CABP5: variants seen among roughly 807,000 people sequenced by gnomAD.
The protein encoded by CABP5 is calcium binding protein 5, also known as calcium-binding protein 5.
In CABP5, 17 loss-of-function variants were observed where a neutral mutation model predicts 21.9. The ratio of observed to expected loss-of-function variants is 0.78; its 90% CI spans 0.53 to 1.17. The LOEUF is 1.17. Among genes scored for constraint, CABP5 ranks in the 50% most tolerant of loss-of-function variants. CABP5 has a pLI of 0.00. For missense variants in CABP5, 229 were observed against 228.9 expected, an observed-to-expected ratio of 1.00 and a Z score of 0.00; for synonymous variants, 85 against 79.4, an observed-to-expected ratio of 1.07 and a Z score of -0.37.
intron 5 of CABP5, among the ~76,000 whole-genome samples, chr19:48,033,439 T>C (rs1281972844): frequency 6.6e-6 from 1 of 152,134 alleles, no homozygotes; most frequent in African/African-American, 2.4e-5. Context: ...ATAGTGATGA[T>C]GAAGGAATTG....
At chr19:48,033,793 A>G (rs1008076888) in intron 5 of CABP5, among the ~76,000 whole-genome samples, 9 of 152,206 alleles carry the variant, frequency 5.9e-5, no homozygotes, top group African/African-American at 2.2e-4. Context: ...AGGGAGTAGC[A>G]TAAGCCACAT....
intron 3 of CABP5, 49 bp downstream of exon 3, chr19:48,040,556 C>T: frequency 2.5e-6 from 4 of 1,606,218 alleles, no homozygotes; most frequent in Non-Finnish European, 2.6e-6. Context: ...CCAATTCTGC[C>T]CTGATCCCTT....
At chr19:48,032,231 C>T (rs1029865288) in intron 5 of CABP5, among the ~76,000 whole-genome samples, 1 of 151,946 alleles carries the variant, frequency 6.6e-6, no homozygotes, top group Non-Finnish European at 1.5e-5. Context: ...CAAGTTTGTG[C>T]CAGAACTTAA....
At chr19:48,042,471 C>A (rs1454786918) in intron 1 of CABP5, among the ~76,000 whole-genome samples, 1 of 152,164 alleles carries the variant, frequency 6.6e-6, no homozygotes, top group African/African-American at 2.4e-5. Context: ...GACCTCTGGT[C>A]TCTTTAGCCT....
chr19:48,038,751 C>T (rs948393248), intron 4 of CABP5, among the ~76,000 whole-genome samples: 4 of 151,882 alleles, frequency 2.6e-5, no homozygotes, highest in African/African-American at 4.8e-5. Context: ...GGCTTGAACC[C>T]GGGAGGCAGA....
chr19:48,034,198 C>T lies in CABP5; in HGVS notation c.496+17G>A, dbSNP rs754088957. 6.5e-5 allele frequency: 99 copies of T among 1,531,802 alleles called. No homozygotes were observed. The highest frequency in any genetic ancestry group is 8.4e-5 in the Non-Finnish European group (96 of 1,136,988). The allele number at this position is 1,531,802 out of a possible 1,614,324, so 94.9% of individuals were successfully genotyped here. On this transcript the variant is annotated intron_variant, in intron 5 of 5. Coordinates refer to ENST00000293255, the MANE Select transcript of CABP5 (RefSeq NM_019855.5). ...CGGTGGCTGCCCCCGCTCCCCACCACGCCCCGTCAATGTCACCTTCAAAGT... is the reference window on the plus strand; with the variant it reads ...CGGTGGCTGCCCCCGCTCCCCACCATGCCCCGTCAATGTCACCTTCAAAGT...
At chr19:48,040,063 A>G (rs1967461575) in intron 3 of CABP5, among the ~76,000 whole-genome samples, 2 of 150,940 alleles carry the variant, frequency 1.3e-5, no homozygotes, top group South Asian at 4.2e-4. Context: ...AAAATCAGTT[A>G]TGATCTCCAT....
Position 48,029,831 on chromosome 19 carries a change from A to AGAGAGAGAGAGG in CABP5, c.*725_*726insCCTCTCTCTCTC, listed in dbSNP as rs1340907930. On this transcript the variant is annotated 3_prime_UTR_variant, in exon 6 of 6. Coordinates refer to ENST00000293255, the MANE Select transcript of CABP5 (RefSeq NM_019855.5). ...GAGAGAGAGAGAGAGAGAGAGAGAG[A>AGAGAGAGAGAGG]GAGAGAAACCAGACAGTGCTTCCAG... 24 of 151,442 alleles carry AGAGAGAGAGAGG rather than the reference A, an allele frequency of 1.6e-4. No homozygotes were observed. The highest frequency in any genetic ancestry group is 2.9e-4 in the Non-Finnish European group (20 of 67,840). 9.4% of individuals were successfully genotyped at this position (151,442 alleles called of 1,614,324 possible).
intron 2 of CABP5, 144 bp from the exon 3 acceptor site, chr19:48,040,892 C>T: frequency 2.5e-6 from 2 of 808,308 alleles, no homozygotes; most frequent in South Asian, 3.9e-5. Context: ...ACAAAAAAAC[C>T]AAGGCCGGAT....
At chr19:48,042,575 T>TCC (rs1205514972) in intron 1 of CABP5, among the ~76,000 whole-genome samples, 4 of 118,342 alleles carry the variant, frequency 3.4e-5, no homozygotes, top group Non-Finnish European at 7.6e-5. Context: ...TTTCATTCTC[T>TCC]CTCTCTTTTT....
chr19:48,043,837 T>G, intron 1 of CABP5, 23 bp downstream of exon 1: 4 of 1,149,814 alleles, frequency 3.5e-6, no homozygotes, highest in South Asian at 1.5e-5. Flanking sequence ...CCCACCGCCC[T>G]TCCCCCTCAC....
At chr19:48,040,519 A>G in intron 3 of CABP5, 86 bp downstream of exon 3, 2 of 1,453,238 alleles carry the variant, frequency 1.4e-6, no homozygotes, top group African/African-American at 1.4e-5. Flanking sequence ...TCCACCCCCA[A>G]CTCTACTCTT....
intron 5 of CABP5, among the ~76,000 whole-genome samples, chr19:48,031,370 T>C (rs1967337588): frequency 6.6e-6 from 1 of 151,918 alleles, no homozygotes; most frequent in Admixed American, 6.6e-5. Context: ...TGAAACCCCG[T>C]CTCTACTAAA....
At chr19:48,040,494 C>T in intron 3 of CABP5, 111 bp downstream of exon 3, 6 of 1,101,718 alleles carry the variant, frequency 5.4e-6, no homozygotes, top group Non-Finnish European at 7.8e-6. Context: ...ACTTCTAGTC[C>T]CTCTCATCCT....
rs1413992801 is a variant in CABP5, at chr19:48,040,862, T to G, written c.95-114A>C. 6.8e-6 allele frequency: 7 copies of G among 1,028,952 alleles called. No individual in the cohort carries two copies. In the South Asian group the frequency reaches 1.1e-4, roughly 17 times the overall value. The allele number at this position is 1,028,952 out of a possible 1,614,324, so 63.7% of individuals were successfully genotyped here. A position where few individuals can be genotyped will look rare whatever the true frequency, so the allele number is the denominator to read the frequency against. Reference sequence around the variant, plus strand: ...AGAGACTCCTTAAAGGAGCGTACATTAGAAACAAAACAAAACAAAACAAAA... The same window carrying G: ...AGAGACTCCTTAAAGGAGCGTACATGAGAAACAAAACAAAACAAAACAAAA... On this transcript the variant is annotated intron_variant, in intron 2 of 5. Transcript: ENST00000293255.
intron 5 of CABP5, among the ~76,000 whole-genome samples, chr19:48,031,492 G>C (rs1011220440): frequency 6.6e-6 from 1 of 152,090 alleles, no homozygotes; most frequent in African/African-American, 2.4e-5. Flanking sequence ...GTGAGCCAAG[G>C]TTGCACCACT....
Position 48,040,741 on chromosome 19 carries a change from C to A in CABP5, c.102G>T (p.Arg34=). The change falls in exon 3 of 6, where the codon CGG becomes CGT. Residue 34 remains arginine (R), a synonymous_variant. Coordinates refer to ENST00000293255, the MANE Select transcript of CABP5 (RefSeq NM_019855.5). ...CCTTATCGAACTCAAGAAATGCTTCCCGCAGCTCTGAAAGTTAAGAGAGAA... is the reference window on the plus strand; with the variant it reads ...CCTTATCGAACTCAAGAAATGCTTCACGCAGCTCTGAAAGTTAAGAGAGAA... The part of the protein sequence containing the change: ...PLGQDEIEEL[R]EAFLEFDKDR... 1.2e-6 allele frequency: 2 copies of A among 1,613,964 alleles called. No homozygotes were observed. The highest frequency in any genetic ancestry group is 1.7e-6 in the Non-Finnish European group (2 of 1,179,928).
chr19:48,037,666 G>A (rs1335874087), intron 4 of CABP5, among the ~76,000 whole-genome samples: 1 of 152,040 alleles, frequency 6.6e-6, no homozygotes, highest in Non-Finnish European at 1.5e-5. Context: ...TATCTAAAGT[G>A]TTATCCTTTC....
intron 1 of CABP5, among the ~76,000 whole-genome samples, chr19:48,043,569 A>C (rs553092234): frequency 1.7e-3 from 2 of 1,148 alleles, no homozygotes; most frequent in East Asian, 0.031. Context: ...ATGAGCATCC[A>C]TAGAAAAGAA....
Sources: allele counts gnomAD v4.1 joint callset (sites outside exome capture counted in the v4.1 genomes callset), GRCh38; gene constraint gnomAD v4.1.1; transcripts MANE v1.5; gene names NCBI Gene and HGNC (gene_info 2026-07-23, HGNC 2026-07-21).